Variants in RUNX2 observed in about 807,000 individuals in gnomAD.
RUNX2 encodes the protein runt-related transcription factor 2.
In RUNX2, 10 loss-of-function variants were observed where a neutral mutation model predicts 51.7. The observed-to-expected ratio is 0.19, with a 90% confidence interval of 0.12 to 0.33. RUNX2 has a LOEUF of 0.33. Among genes scored for constraint, RUNX2 ranks in the 10% least tolerant of loss-of-function variants. RUNX2 has a pLI of 1.00. For synonymous variants in RUNX2, 276 were observed against 273.6 expected (o/e 1.01, Z -0.09); for missense variants, 562 against 691.3 (o/e 0.81, Z 2.10).
intron 5 of RUNX2, among the ~76,000 whole-genome samples, chr6:45,441,185 GTGGCTTGAAGT>G (rs1396698200): frequency 1.5e-4 from 23 of 152,096 alleles, no homozygotes; most frequent in African/African-American, 5.6e-4. Flanking sequence ...ATCACTTATA[GTGGCTTGAAGT>G]TGAGGATTTT....
In RUNX2 at chr6:45,400,217, GGGAA is replaced by G. The variant is rs144270047; in HGVS notation, c.59-22356_59-22353del. Among the ~76,000 whole-genome samples the G allele has an allele frequency of 4.4e-3, 641 of 145,984 alleles. 3 individuals are homozygous for G. The highest frequency in any genetic ancestry group is 0.012 in the African/African-American group (465 of 39,542). On this transcript the variant is annotated intron_variant, in intron 2 of 8. Coordinates refer to ENST00000647337, the MANE Select transcript of RUNX2 (RefSeq NM_001024630.4). ...AAGGAAGGAAGGAAGGAGGGAATGA[GGGAA>G]GGAAGGAAGGAAGGAAGGAGGGGAG...
intron 2 of RUNX2, chr6:45,422,184 A>T: frequency 4.8e-6 from 1 of 208,940 alleles, no homozygotes; most frequent in South Asian, 6.5e-5. Flanking sequence ...ACCGGACTCC[A>T]ACTGGGAGGG....
chr6:45,347,459 A>G (rs2150167048), intron 2 of RUNX2, among the ~76,000 whole-genome samples: 1 of 152,286 alleles, frequency 6.6e-6, no homozygotes. Context: ...TAATGAACCC[A>G]AAAGGAATAT....
chr6:45,391,716 A>G (rs1213733046), intron 2 of RUNX2, among the ~76,000 whole-genome samples: 1 of 152,202 alleles, frequency 6.6e-6, no homozygotes, highest in Non-Finnish European at 1.5e-5. Flanking sequence ...AGGAAAGAGA[A>G]GTGCCAAGCA....
At chr6:45,397,662 A>G (rs1046031855) in intron 2 of RUNX2, among the ~76,000 whole-genome samples, 2 of 152,190 alleles carry the variant, frequency 1.3e-5, no homozygotes, top group Non-Finnish European at 2.9e-5. Flanking sequence ...AAAATGGTAT[A>G]TTAGCCATTT....
chr6:45,358,733 A>G (rs1793699492), intron 2 of RUNX2, among the ~76,000 whole-genome samples: 1 of 152,164 alleles, frequency 6.6e-6, no homozygotes, highest in Non-Finnish European at 1.5e-5. Context: ...CAGATTTTTG[A>G]AAGTTAATAC....
intron 7 of RUNX2, among the ~76,000 whole-genome samples, chr6:45,519,836 G>GTATA (rs70996334): frequency 1.7e-4 from 23 of 134,538 alleles, no homozygotes; most frequent in African/African-American, 2.5e-4. Context: ...GTGTGTGTGT[G>GTATA]TATATATTTG....
intron 5 of RUNX2, among the ~76,000 whole-genome samples, chr6:45,442,975 T>A (rs938706858): frequency 6.6e-6 from 1 of 151,588 alleles, no homozygotes; most frequent in Non-Finnish European, 1.5e-5. Flanking sequence ...TGAGTCTGAC[T>A]TCTCACATGG....
chr6:45,498,147 C>G (rs1472050158), intron 6 of RUNX2, among the ~76,000 whole-genome samples: 2 of 152,094 alleles, frequency 1.3e-5, no homozygotes, highest in Admixed American at 6.5e-5. Flanking sequence ...TACTTACCAC[C>G]AAGTACTCTT....
chr6:45,345,959 G>A (rs544935793), intron 2 of RUNX2, among the ~76,000 whole-genome samples: 7 of 151,978 alleles, frequency 4.6e-5, no homozygotes, highest in East Asian at 1.9e-4. Flanking sequence ...GCTGTCTCCC[G>A]TACTTGCAAT....
chr6:45,404,652 A>T (rs77014982), intron 2 of RUNX2, among the ~76,000 whole-genome samples: 2 of 152,394 alleles, frequency 1.3e-5, no homozygotes, highest in East Asian at 3.9e-4. Flanking sequence ...ACATCAACAG[A>T]CAGACCTGAT....
chr6:45,422,999 G>A, intron 3 of RUNX2, 42 bp downstream of exon 3: 5 of 1,590,508 alleles, frequency 3.1e-6, no homozygotes, highest in Non-Finnish European at 4.3e-6. Flanking sequence ...CGGGAGCGGC[G>A]GAACCTGCCC....
At chr6:45,449,788 T>C (rs1799107330) in intron 5 of RUNX2, among the ~76,000 whole-genome samples, 1 of 152,176 alleles carries the variant, frequency 6.6e-6, no homozygotes, top group Admixed American at 6.5e-5. Context: ...GAGATGAAAA[T>C]AATACATTGT....
intron 2 of RUNX2, among the ~76,000 whole-genome samples, chr6:45,406,250 T>C (rs1446046658): frequency 6.6e-6 from 1 of 152,106 alleles, no homozygotes; most frequent in East Asian, 1.9e-4. Flanking sequence ...AACCATAGCA[T>C]AGGAATCCCT....
intron 7 of RUNX2, among the ~76,000 whole-genome samples, chr6:45,538,506 A>G (rs1802109780): frequency 1.3e-5 from 2 of 152,114 alleles, no homozygotes; most frequent in African/African-American, 4.8e-5. Flanking sequence ...TTAGGAGGGA[A>G]AGGCTATCAC....
At chr6:45,487,701 AGAG>A (rs1800326496) in intron 5 of RUNX2, among the ~76,000 whole-genome samples, 2 of 152,324 alleles carry the variant, frequency 1.3e-5, no homozygotes, top group East Asian at 1.9e-4. Flanking sequence ...TTTATCTAAA[AGAG>A]GAGAATATTC....
chr6:45,406,597 G>C (rs1445154450), intron 2 of RUNX2, among the ~76,000 whole-genome samples: 2 of 152,088 alleles, frequency 1.3e-5, no homozygotes, highest in African/African-American at 4.8e-5. Flanking sequence ...GTAGAGATGG[G>C]GTTTTGCCAT....
intron 7 of RUNX2, among the ~76,000 whole-genome samples, chr6:45,525,426 TG>T (rs1459876923): frequency 6.6e-6 from 1 of 152,092 alleles, no homozygotes; most frequent in Non-Finnish European, 1.5e-5. Flanking sequence ...GCATGTAGAG[TG>T]GTAATTAAAC....
At chr6:45,474,339 T>G (rs1241418765) in intron 5 of RUNX2, among the ~76,000 whole-genome samples, 1 of 151,712 alleles carries the variant, frequency 6.6e-6, no homozygotes, top group Non-Finnish European at 1.5e-5. Flanking sequence ...GAAAAGATAT[T>G]AAACAATGGC....
Sources: gnomAD v4.1 joint callset for allele counts (sites outside exome capture counted in the v4.1 genomes callset) on GRCh38, gnomAD v4.1.1 for gene constraint, MANE v1.5 for transcripts, NCBI Gene and HGNC (gene_info 2026-07-23, HGNC 2026-07-21) for gene names.